GPR158: variants seen among roughly 807,000 people sequenced by gnomAD.
The protein encoded by GPR158 is G protein-coupled receptor 158.
A neutral mutation model predicts 78.2 loss-of-function variants in GPR158; 30 were observed. That is an observed-to-expected ratio of 0.38 (90% CI 0.29 to 0.52). The LOEUF is 0.52. GPR158 is among the 20% of genes least tolerant of loss of function. GPR158 has a pLI of 0.83. For synonymous variants in GPR158, 581 were observed against 591.1 expected (o/e 0.98, Z 0.25); for missense variants, 1,463 against 1,523.5 (o/e 0.96, Z 0.66).
chr10:25,483,379 C>G lies in GPR158; in HGVS notation c.1404+16660C>G, dbSNP rs182102784. On this transcript the variant is annotated intron_variant, in intron 5 of 10. Coordinates refer to ENST00000376351, the MANE Select transcript of GPR158 (RefSeq NM_020752.3). The stretch of plus-strand genomic sequence containing the variant: ...CACTGACTATTGCTTTTTCCTCCCC[C>G]CTTTCATGTCTTTGCTAAAATATAT... Among the ~76,000 whole-genome samples the G allele has an allele frequency of 3.6e-3, 548 of 152,130 alleles. 4 individuals are homozygous for G. Among genetic ancestry groups the G allele is most frequent in the South Asian group, 3.7e-3 (18 of 4,818 alleles).
intron 2 of GPR158, among the ~76,000 whole-genome samples, chr10:25,243,164 G>A (rs1430848847): frequency 1.3e-5 from 2 of 152,180 alleles, no homozygotes; most frequent in Non-Finnish European, 1.5e-5. Context: ...AAGCTATTCT[G>A]TCATTCACAT....
In GPR158 at chr10:25,178,007, C is replaced by CTGTT. The variant is rs112919571; in HGVS notation, c.902+1688_902+1689insTTGT. 7.6e-3 allele frequency among the ~76,000 whole-genome samples: 1,163 copies of CTGTT among 152,074 alleles called. 19 individuals carry two copies. Among genetic ancestry groups the CTGTT allele is most frequent in the African/African-American group, 0.027 (1,100 of 41,330 alleles). On this transcript the variant is annotated intron_variant, in intron 1 of 10. Coordinates refer to ENST00000376351, the MANE Select transcript of GPR158 (RefSeq NM_020752.3). The stretch of plus-strand genomic sequence containing the variant: ...GCAGATGCTATTCACTGCCAGCAAA[C>CTGTT]TGTAGCCTTTAAATGAGTCTTTTTA...
intron 4 of GPR158, among the ~76,000 whole-genome samples, chr10:25,433,033 C>T (rs138651857): frequency 6.6e-6 from 1 of 152,268 alleles, no homozygotes. Context: ...CTATAGAATT[C>T]TTACAGTCAC....
chr10:25,483,456 C>T (rs1362895969), intron 5 of GPR158, among the ~76,000 whole-genome samples: 1 of 152,030 alleles, frequency 6.6e-6, no homozygotes, highest in African/African-American at 2.4e-5. Flanking sequence ...GCAGCCTGCC[C>T]CACTCCTCAC....
Position 25,599,269 on chromosome 10 carries a change from G to A in GPR158, c.3643G>A (p.Val1215Met), listed in dbSNP as rs1419040973. The A allele has an allele frequency of 6.2e-7, 1 of 1,602,746 alleles. No homozygotes were observed. Among genetic ancestry groups the A allele is most frequent in the Admixed American group, 1.7e-5 (1 of 59,146 alleles). Reference sequence around the variant, plus strand: ...AGAAGAGATCTGGGATAGTTTTAAAGTGTAGCATCTCCAGGAAGAAGAGGA... The same window carrying A: ...AGAAGAGATCTGGGATAGTTTTAAAATGTAGCATCTCCAGGAAGAAGAGGA... ...RKEEIWDSFK[V>M] Residue 1215 changes from valine (V) to methionine (M), a missense_variant, in exon 11 of 11, where the codon GTG becomes ATG. By Grantham distance (21) the Val-to-Met change is conservative. Coordinates refer to ENST00000376351, the MANE Select transcript of GPR158 (RefSeq NM_020752.3).
chr10:25,330,873 A>C (rs576657075), intron 2 of GPR158, among the ~76,000 whole-genome samples: 4,122 of 152,298 alleles, frequency 0.027, 192 homozygotes, highest in African/African-American at 0.094. Context: ...TTGTTCCTAT[A>C]TATTGAATGC....
intron 5 of GPR158, among the ~76,000 whole-genome samples, chr10:25,507,910 C>A (rs1836034562): frequency 6.6e-6 from 1 of 152,096 alleles, no homozygotes; most frequent in African/African-American, 2.4e-5. Flanking sequence ...AGTTATATTC[C>A]ATAAAATGTA....
At chr10:25,255,944 A>G (rs1853883747) in intron 2 of GPR158, among the ~76,000 whole-genome samples, 1 of 152,186 alleles carries the variant, frequency 6.6e-6, no homozygotes, top group African/African-American at 2.4e-5. Flanking sequence ...GTGCAAGAGG[A>G]AGGAATCTTG....
intron 5 of GPR158, among the ~76,000 whole-genome samples, chr10:25,496,338 CATG>C (rs1835880216): frequency 6.6e-6 from 1 of 152,196 alleles, no homozygotes; most frequent in Non-Finnish European, 1.5e-5. Context: ...TGTCTTTTAA[CATG>C]AGAAATGGAG....
intron 2 of GPR158, among the ~76,000 whole-genome samples, chr10:25,310,763 G>A (rs1439731940): frequency 6.6e-6 from 1 of 151,534 alleles, no homozygotes; most frequent in Non-Finnish European, 1.5e-5. Flanking sequence ...TTTTTCTTTT[G>A]GATTTTGAGT....
At chr10:25,410,745 C>A (rs1484183169) in intron 3 of GPR158, among the ~76,000 whole-genome samples, 1 of 152,152 alleles carries the variant, frequency 6.6e-6, no homozygotes, top group Non-Finnish European at 1.5e-5. Flanking sequence ...AGTAGGGAAC[C>A]ATGTCTGCTT....
chr10:25,358,612 T>C (rs1855585701), intron 2 of GPR158, among the ~76,000 whole-genome samples: 1 of 152,066 alleles, frequency 6.6e-6, no homozygotes, highest in African/African-American at 2.4e-5. Flanking sequence ...CCTCCTTGCC[T>C]TCCACCATGA....
intron 2 of GPR158, among the ~76,000 whole-genome samples, chr10:25,373,060 C>CA (rs1834022765): frequency 6.6e-6 from 1 of 151,810 alleles, no homozygotes; most frequent in South Asian, 2.1e-4. Flanking sequence ...AAATGCCCAT[C>CA]AACGGCAGAT....
intron 2 of GPR158, among the ~76,000 whole-genome samples, chr10:25,364,928 G>C (rs1049758619): frequency 2.6e-5 from 4 of 151,762 alleles, no homozygotes; most frequent in Non-Finnish European, 5.9e-5. Flanking sequence ...CTTTGAATGA[G>C]TTATGCCATA....
At chr10:25,496,426 T>C (rs1835881545) in intron 5 of GPR158, among the ~76,000 whole-genome samples, 1 of 152,244 alleles carries the variant, frequency 6.6e-6, no homozygotes, top group Non-Finnish European at 1.5e-5. Flanking sequence ...GCCTGTCTTT[T>C]GGATCTCATT....
chr10:25,202,465 C>T (rs1475954660), intron 1 of GPR158, among the ~76,000 whole-genome samples: 1 of 152,178 alleles, frequency 6.6e-6, no homozygotes, highest in East Asian at 1.9e-4. Context: ...CAAGTGTTCT[C>T]ATTGTTCAAT....
Position 25,417,102 on chromosome 10 carries a change from T to G in GPR158, c.1335+4629T>G, listed in dbSNP as rs768393828. ...CAGTGAGATGAAATTCAAATATTCC[T>G]GGCACCAAGTCTTGGAAGAAATTTC... On this transcript the variant is annotated intron_variant, in intron 4 of 10. Transcript: ENST00000376351. Among the ~76,000 whole-genome samples the G allele has an allele frequency of 1.3e-3, 201 of 152,288 alleles. 1 individual carries two copies. The highest frequency in any genetic ancestry group is 2.5e-3 in the Non-Finnish European group (172 of 68,020).
At chr10:25,392,247 G>C (rs1354927804) in intron 2 of GPR158, among the ~76,000 whole-genome samples, 18 of 152,202 alleles carry the variant, frequency 1.2e-4, no homozygotes, top group African/African-American at 4.3e-4. Flanking sequence ...GCCCTTGCCA[G>C]TGCCTAGAGC....
chr10:25,302,136 ATC>A (rs1854606579), intron 2 of GPR158, among the ~76,000 whole-genome samples: 1 of 130,192 alleles, frequency 7.7e-6, no homozygotes, highest in African/African-American at 3.4e-5. Context: ...CAGTGGTGCG[ATC>A]TCGGCTCACT....
Sources: gnomAD v4.1 joint callset for allele counts (sites outside exome capture counted in the v4.1 genomes callset) on GRCh38, gnomAD v4.1.1 for gene constraint, MANE v1.5 for transcripts, NCBI Gene and HGNC (gene_info 2026-07-23, HGNC 2026-07-21) for gene names.